The following RHOBTB3 variants were observed in gnomAD, a reference collection of about 807,000 sequenced individuals.
The protein encoded by RHOBTB3 is rho-related BTB domain-containing protein 3.
A neutral mutation model predicts 67.2 loss-of-function variants in RHOBTB3; 47 were observed. That is an observed-to-expected ratio of 0.70 (90% confidence interval 0.55 to 0.89). The LOEUF (loss-of-function observed/expected upper bound fraction) is 0.89. RHOBTB3 is among the 40% of genes least tolerant of loss of function. The probability of loss-of-function intolerance (pLI) is 0.00; values close to 1 mark genes in which losing one functional copy is unlikely to be tolerated. For missense variants in RHOBTB3, 631 were observed against 750.0 expected (o/e 0.84, Z 1.85); for synonymous variants, 273 against 274.2 (o/e 1.00, Z 0.04).
intron 1 of RHOBTB3, among the ~76,000 whole-genome samples, chr5:95,722,643 C>T (rs903319510): frequency 6.6e-6 from 1 of 152,194 alleles, no homozygotes; most frequent in Non-Finnish European, 1.5e-5. Context: ...GCTCCCGCCA[C>T]CATGCCCGGC....
Position 95,748,465 on chromosome 5 carries a change from T to C in RHOBTB3, c.548T>C (p.Ile183Thr). 1 of 1,610,940 alleles carries C rather than the reference T, an allele frequency of 6.2e-7. No homozygotes were observed. The highest frequency in any genetic ancestry group is 1.3e-5 in the African/African-American group (1 of 74,970). Residue 183 changes from isoleucine (I) to threonine (T), a missense_variant, in exon 4 of 12, where the codon ATA becomes ACA. By Grantham distance (89) the Ile-to-Thr change is moderately conservative. Coordinates refer to ENST00000379982, the MANE Select transcript of RHOBTB3 (RefSeq NM_014899.4). Reference protein sequence around the residue: ...LELHSLDDFYIGKYFGGVLEY... With the variant: ...LELHSLDDFYTGKYFGGVLEY... ...CTCCACAGCCTTGATGACTTCTACA[T>C]AGGAAAGTATTTTGGAGGAGTGGTA...
At chr5:95,737,445 A>T (rs2548127) in intron 3 of RHOBTB3, among the ~76,000 whole-genome samples, 63,576 of 152,074 alleles carry the variant, frequency 0.42, 13,719 homozygotes, top group East Asian at 0.71. Context: ...TCACATGAAG[A>T]TGTGGGCTTG....
At chr5:95,767,349 T>A (rs879758303) in intron 7 of RHOBTB3, among the ~76,000 whole-genome samples, 129 of 152,210 alleles carry the variant, frequency 8.5e-4, no homozygotes, top group Non-Finnish European at 1.0e-3. Context: ...TTTCTTTTTT[T>A]TTTTTGGAGA....
At chr5:95,783,034 A>C (rs974865411) in intron 9 of RHOBTB3, among the ~76,000 whole-genome samples, 1 of 151,622 alleles carries the variant, frequency 6.6e-6, no homozygotes. Context: ...AGAATTAAAA[A>C]AAAATAGATT....
intron 6 of RHOBTB3, among the ~76,000 whole-genome samples, chr5:95,757,787 C>T (rs1745291605): frequency 6.6e-6 from 1 of 152,120 alleles, no homozygotes; most frequent in South Asian, 2.1e-4. Flanking sequence ...TTGCCTTCAA[C>T]GGGTTCTCTG....
intron 2 of RHOBTB3, chr5:95,732,828 A>G (rs1255618180): frequency 6.6e-6 from 1 of 152,256 alleles, no homozygotes; most frequent in Non-Finnish European, 1.5e-5. Context: ...TTTCTGACAC[A>G]TATAAATATT....
Position 95,793,621 on chromosome 5 carries a change from A to C in RHOBTB3, c.*447A>C, listed in dbSNP as rs1032700883. On this transcript the variant is annotated 3_prime_UTR_variant, in exon 12 of 12. Coordinates refer to ENST00000379982, the MANE Select transcript of RHOBTB3 (RefSeq NM_014899.4). ...AATCTAGGGGAAAACCAATCAGTCCAACATGAGATTTTAGGAATAGAAATT... is the reference window on the plus strand; with the variant it reads ...AATCTAGGGGAAAACCAATCAGTCCCACATGAGATTTTAGGAATAGAAATT... 3 of 189,472 alleles carry C rather than the reference A, an allele frequency of 1.6e-5. No homozygotes were observed. Among genetic ancestry groups the C allele is most frequent in the Admixed American group, 5.4e-5 (1 of 18,522 alleles). 11.7% of individuals were successfully genotyped at this position (189,472 alleles called of 1,614,324 possible). A position where few individuals can be genotyped will look rare whatever the true frequency, so the allele number is the denominator to read the frequency against.
At chr5:95,731,312 A>T, upstream of RHOBTB3, 1 of 1,060,052 alleles carries the variant, frequency 9.4e-7, no homozygotes, top group Non-Finnish European at 1.1e-6. Flanking sequence ...CTCTGCTTAG[A>T]GGAGGAGGAG....
intron 3 of RHOBTB3, among the ~76,000 whole-genome samples, chr5:95,746,582 G>T (rs1744920043): frequency 6.6e-6 from 1 of 152,168 alleles, no homozygotes; most frequent in African/African-American, 2.4e-5. Flanking sequence ...ATAATTTAGA[G>T]AACTCAAGTT....
At chr5:95,772,171 C>T (rs1745733728) in intron 8 of RHOBTB3, among the ~76,000 whole-genome samples, 1 of 152,178 alleles carries the variant, frequency 6.6e-6, no homozygotes, top group African/African-American at 2.4e-5. Context: ...ATTATAACAA[C>T]CTAGGGCACT....
At chr5:95,787,393 A>G (rs933321817) in intron 10 of RHOBTB3, among the ~76,000 whole-genome samples, 5 of 152,286 alleles carry the variant, frequency 3.3e-5, no homozygotes, top group South Asian at 2.1e-4. Flanking sequence ...TTGATTTTAT[A>G]TAATGAATAT....
Position 95,780,252 on chromosome 5 carries a change from G to A in RHOBTB3, c.1283G>A (p.Gly428Asp), listed in dbSNP as rs1312167003. The change falls in exon 9 of 12, where the codon GGT becomes GAT. Residue 428 changes from glycine (G) to aspartate (D), a missense_variant and splice_region_variant. Physicochemically the swap from Gly to Asp is moderately conservative, Grantham distance 94. Transcript: ENST00000379982. ...CTTGTTTCCCTTTTGAACCTTTCAGGTACGACAGTGCCAGCCCACAGGGCC... is the reference window on the plus strand; with the variant it reads ...CTTGTTTCCCTTTTGAACCTTTCAGATACGACAGTGCCAGCCCACAGGGCC... ...MLADVVFEIQ[G>D]TTVPAHRAIL... 1 of 1,613,358 alleles carries A rather than the reference G, an allele frequency of 6.2e-7. No homozygotes were observed. Among genetic ancestry groups the A allele is most frequent in the South Asian group, 1.1e-5 (1 of 91,040 alleles).
intron 3 of RHOBTB3, among the ~76,000 whole-genome samples, chr5:95,744,428 T>C (rs1426524129): frequency 2.6e-5 from 4 of 152,098 alleles, no homozygotes; most frequent in African/African-American, 9.6e-5. Flanking sequence ...TTTGCAGTCA[T>C]GTCTATCTTC....
At position 95,731,906 on chromosome 5, in the gene RHOBTB3, A is replaced by G. The variant is rs902070849; in HGVS notation, c.50A>G (p.Gln17Arg). ...ALGNEGDTFH[Q>R]DNRPSGLIRT... Reference sequence around the variant, plus strand: ...GGGAACGAGGGGGACACATTCCACCAGGACAACCGGCCGTCGGGGCTTATC... The same window carrying G: ...GGGAACGAGGGGGACACATTCCACCGGGACAACCGGCCGTCGGGGCTTATC... The change falls in exon 2 of 12, where the codon CAG becomes CGG. Residue 17 changes from glutamine (Q) to arginine (R), a missense_variant. Coordinates refer to ENST00000379982, the MANE Select transcript of RHOBTB3 (RefSeq NM_014899.4). The G allele has an allele frequency of 2.5e-6, 4 of 1,613,928 alleles. No individual in the cohort carries two copies. In the African/African-American group the frequency reaches 4.0e-5, roughly 16 times the overall value.
At chr5:95,786,926 A>G (rs564900016) in intron 10 of RHOBTB3, among the ~76,000 whole-genome samples, 1 of 152,222 alleles carries the variant, frequency 6.6e-6, no homozygotes, top group Non-Finnish European at 1.5e-5. Context: ...CCAGGTCTGT[A>G]CATTAGCTAG....
chr5:95,788,839 T>C lies in RHOBTB3; in HGVS notation c.1701T>C (p.Pro567=). ...ACTACCTCATCTTCAGTCAAAAGCC[T>C]GAATTTCAGGATCTTTCAGGTAGAT... ...ATNYLIFSQK[P]EFQDLSVEER... Residue 567 remains proline (P), a synonymous_variant, in exon 11 of 12, where the codon CCT becomes CCC. Transcript: ENST00000379982. 6.4e-7 allele frequency: 1 copy of C among 1,558,978 alleles called. No homozygotes were observed. The highest frequency in any genetic ancestry group is 1.2e-5 in the South Asian group (1 of 80,038).
At chr5:95,771,407 G>A (rs910085747) in intron 8 of RHOBTB3, among the ~76,000 whole-genome samples, 3 of 152,172 alleles carry the variant, frequency 2.0e-5, no homozygotes, top group African/African-American at 7.2e-5. Flanking sequence ...GCCAAGACAG[G>A]GAAATGGAAA....
At chr5:95,724,828 A>T (rs1029156305) in intron 1 of RHOBTB3, among the ~76,000 whole-genome samples, 3 of 152,254 alleles carry the variant, frequency 2.0e-5, no homozygotes, top group South Asian at 2.1e-4. Context: ...GTGAGAATTA[A>T]ATGAGTCAAA....
Position 95,793,484 on chromosome 5 carries a change from TAAA to T in RHOBTB3, c.*320_*322del. On this transcript the variant is annotated 3_prime_UTR_variant, in exon 12 of 12. Coordinates refer to ENST00000379982, the MANE Select transcript of RHOBTB3 (RefSeq NM_014899.4). ...CCTCTCAGTTAAGAAATGCTTAGAT[TAAA>T]AAAAAAAAATTACGTAGGATTAATA... 5.6e-6 allele frequency: 1 copy of T among 179,208 alleles called. No individual in the cohort carries two copies. The highest frequency in any genetic ancestry group is 1.4e-4 in the East Asian group (1 of 7,066). The allele number at this position is 179,208 out of a possible 1,614,324, so 11.1% of individuals were successfully genotyped here.
Sources: gnomAD v4.1 joint callset for allele counts (sites outside exome capture counted in the v4.1 genomes callset) on GRCh38, gnomAD v4.1.1 for gene constraint, MANE v1.5 for transcripts, NCBI Gene and HGNC (gene_info 2026-07-23, HGNC 2026-07-21) for gene names.